TMEM184B: variants seen among roughly 807,000 people sequenced by gnomAD.
TMEM184B encodes the protein transmembrane protein 184B.
Under a neutral mutation model 41.8 loss-of-function variants are expected in TMEM184B, and 17 were observed. The ratio of observed to expected loss-of-function variants is 0.41; its 90% CI spans 0.28 to 0.61. TMEM184B has a LOEUF of 0.61. Ranked by LOEUF, TMEM184B falls within the 20% of genes least tolerant of loss-of-function variation. The pLI is 0.34. For synonymous variants in TMEM184B, 240 were observed against 229.5 expected (o/e 1.05, Z -0.41); for missense variants, 393 against 557.8 (o/e 0.70, Z 2.98).
chr22:38,233,422 C>T (rs1446974022), intron 3 of TMEM184B, among the ~76,000 whole-genome samples: 2 of 152,174 alleles, frequency 1.3e-5, no homozygotes, highest in Non-Finnish European at 2.9e-5. Flanking sequence ...GAAGTGTGTC[C>T]GGGGCTCACT....
intron 2 of TMEM184B, chr22:38,246,875 C>T (rs918634597): frequency 5.4e-6 from 7 of 1,302,906 alleles, no homozygotes; most frequent in African/African-American, 4.6e-5. Context: ...TTGGCCCAGC[C>T]GAGCCCTGGG....
chr22:38,245,985 G>A lies in TMEM184B; in HGVS notation c.308C>T (p.Thr103Ile), dbSNP rs779408562. 11 of 1,613,720 alleles carry A rather than the reference G, an allele frequency of 6.8e-6. No individual in the cohort carries two copies. Among genetic ancestry groups the A allele is most frequent in the Non-Finnish European group, 9.3e-6 (11 of 1,179,998 alleles). ...GAAGTACACGTAGTACTGGTCGTTGGTGAAGAAGAGGAGGCTGAGCCAGGA... is the reference window on the plus strand; with the variant it reads ...GAAGTACACGTAGTACTGGTCGTTGATGAAGAAGAGGAGGCTGAGCCAGGA... ...FDSWLSLLFF[T>I]NDQYYVYFGT... Residue 103 changes from threonine (T) to isoleucine (I), a missense_variant, in exon 3 of 9, where the codon ACC becomes ATC. By Grantham distance (89) the Thr-to-Ile change is moderately conservative. Around this residue, in one of 2 missense-constraint regions of TMEM184B, gnomAD observed 271 missense variants for 434.1 expected, o/e 0.62. Coordinates refer to ENST00000361906, the MANE Select transcript of TMEM184B (RefSeq NM_012264.5).
chr22:38,220,463 A>T lies in TMEM184B; in HGVS notation c.*1006T>A. 1.0e-6 allele frequency: 1 copy of T among 985,762 alleles called. No homozygotes were observed. The highest frequency in any genetic ancestry group is 1.2e-6 in the Non-Finnish European group (1 of 829,972). 61.1% of individuals were successfully genotyped at this position (985,762 alleles called of 1,614,324 possible). A position where few individuals can be genotyped will look rare whatever the true frequency, so the allele number is the denominator to read the frequency against. ...ATAGGGGCCCCGAGAGGAGTCTGGG[A>T]CCATTCCCCCCACCTCCCAGCTCCC... On this transcript the variant is annotated 3_prime_UTR_variant, in exon 9 of 9. Coordinates refer to ENST00000361906, the MANE Select transcript of TMEM184B (RefSeq NM_012264.5).
At chr22:38,269,762 C>A (rs1261356903) in intron 1 of TMEM184B, among the ~76,000 whole-genome samples, 2 of 152,158 alleles carry the variant, frequency 1.3e-5, no homozygotes, top group Non-Finnish European at 2.9e-5. Flanking sequence ...AGCAGTGGGG[C>A]AGACACCGTT....
intron 1 of TMEM184B, among the ~76,000 whole-genome samples, chr22:38,272,270 A>G (rs2092535575): frequency 6.6e-6 from 1 of 152,136 alleles, no homozygotes; most frequent in Non-Finnish European, 1.5e-5. Flanking sequence ...CCCAGGAGGA[A>G]ATGTACAATT....
At chr22:38,238,446 G>A (rs370162945) in intron 3 of TMEM184B, among the ~76,000 whole-genome samples, 6 of 151,906 alleles carry the variant, frequency 3.9e-5, no homozygotes, top group South Asian at 2.1e-4. Context: ...GGATGGTCTC[G>A]ATCTCTTGAC....
chr22:38,262,516 C>T (rs2092386560), intron 1 of TMEM184B, among the ~76,000 whole-genome samples: 1 of 152,172 alleles, frequency 6.6e-6, no homozygotes, highest in East Asian at 1.9e-4. Flanking sequence ...AGGCCAAGTG[C>T]GGCTCAAGAA....
chr22:38,269,639 G>A (rs1046192381), intron 1 of TMEM184B, among the ~76,000 whole-genome samples: 2 of 152,162 alleles, frequency 1.3e-5, no homozygotes, highest in Non-Finnish European at 2.9e-5. Flanking sequence ...AGAAGCTGCA[G>A]CAAGCTACGA....
intron 1 of TMEM184B, among the ~76,000 whole-genome samples, 161 bp from the exon 2 acceptor site, chr22:38,248,180 C>T (rs1322975947): frequency 6.6e-6 from 1 of 152,182 alleles, no homozygotes; most frequent in African/African-American, 2.4e-5. Flanking sequence ...GCAACAGGCC[C>T]CTGACCAGTT....
chr22:38,237,267 A>G (rs1238874351), intron 3 of TMEM184B, among the ~76,000 whole-genome samples: 1 of 152,202 alleles, frequency 6.6e-6, no homozygotes, highest in Non-Finnish European at 1.5e-5. Context: ...ACTTACCCCA[A>G]GAGCCCCCGG....
Position 38,221,204 on chromosome 22 carries a change from G to C in TMEM184B, c.*265C>G. 7.6e-7 allele frequency: 1 copy of C among 1,320,634 alleles called. No homozygotes were observed. The highest frequency in any genetic ancestry group is 9.7e-7 in the Non-Finnish European group (1 of 1,036,216). 81.8% of individuals were successfully genotyped at this position (1,320,634 alleles called of 1,614,324 possible). A position where few individuals can be genotyped will look rare whatever the true frequency, so the allele number is the denominator to read the frequency against. The stretch of plus-strand genomic sequence containing the variant: ...GCATGCCCCCAGCACAGGACGGGCA[G>C]CAGGGGCATAAGCCTTGCTCCCAGT... On this transcript the variant is annotated 3_prime_UTR_variant, in exon 9 of 9. Coordinates refer to ENST00000361906, the MANE Select transcript of TMEM184B (RefSeq NM_012264.5).
At position 38,247,756 on chromosome 22, in the gene TMEM184B, C is replaced by T. The variant is rs756658167; in HGVS notation, c.192+14G>A. On this transcript the variant is annotated intron_variant, in intron 2 of 8. Transcript: ENST00000361906. ...TCTGGACCTTTCTAGAGGCCCCTTGCCAGGCTTGGGTACCTGGTGGCATGT... is the reference window on the plus strand; with the variant it reads ...TCTGGACCTTTCTAGAGGCCCCTTGTCAGGCTTGGGTACCTGGTGGCATGT... The T allele has an allele frequency of 2.6e-5, 41 of 1,605,734 alleles. No individual in the cohort carries two copies. In the Middle Eastern group the frequency reaches 5.0e-4, roughly 19 times the overall value.
Position 38,225,738 on chromosome 22 carries a change from G to A in TMEM184B, c.618-145C>T. 1 of 902,666 alleles carries A rather than the reference G, an allele frequency of 1.1e-6. No individual in the cohort carries two copies. The highest frequency in any genetic ancestry group is 3.8e-5 in the Admixed American group (1 of 26,246). The allele number at this position is 902,666 out of a possible 1,614,324, so 55.9% of individuals were successfully genotyped here. A position where few individuals can be genotyped will look rare whatever the true frequency, so the allele number is the denominator to read the frequency against. On this transcript the variant is annotated intron_variant, in intron 6 of 8. Coordinates refer to ENST00000361906, the MANE Select transcript of TMEM184B (RefSeq NM_012264.5). This position sits in a 1 kb window ranked among gnomAD's most constrained non-coding sequence, Gnocchi z 4.4. Reference sequence around the variant, plus strand: ...AGCCACTGAAGGGGTCAGAATGGGTGATCAAAGCGACAGACAGGGGTGGGG... The same window carrying A: ...AGCCACTGAAGGGGTCAGAATGGGTAATCAAAGCGACAGACAGGGGTGGGG...
At chr22:38,244,061 C>T (rs1187228168) in intron 3 of TMEM184B, among the ~76,000 whole-genome samples, 5 of 152,184 alleles carry the variant, frequency 3.3e-5, no homozygotes, top group Non-Finnish European at 1.5e-5. Context: ...TGGGAAGCAC[C>T]TGCCTGATGT....
At chr22:38,264,177 T>C (rs2092411605) in intron 1 of TMEM184B, among the ~76,000 whole-genome samples, 1 of 152,112 alleles carries the variant, frequency 6.6e-6, no homozygotes, top group Non-Finnish European at 1.5e-5. Flanking sequence ...GAGCTCTGGG[T>C]AGGGACACGG....
intron 3 of TMEM184B, among the ~76,000 whole-genome samples, chr22:38,237,822 C>T (rs1433442608): frequency 1.6e-4 from 24 of 147,314 alleles, no homozygotes; most frequent in Middle Eastern, 3.4e-3. Flanking sequence ...TTTTTTTAGA[C>T]GGAGTTTCGC....
chr22:38,238,484 A>G (rs1451589385), intron 3 of TMEM184B, among the ~76,000 whole-genome samples: 1 of 152,196 alleles, frequency 6.6e-6, no homozygotes, highest in Non-Finnish European at 1.5e-5. Flanking sequence ...TTGGCCTCCC[A>G]AAGTGGTGGG....
Position 38,220,272 on chromosome 22 carries a change from C to G in TMEM184B, c.*1197G>C. 1.0e-6 allele frequency: 1 copy of G among 985,942 alleles called. No individual in the cohort carries two copies. Among genetic ancestry groups the G allele is most frequent in the Non-Finnish European group, 1.2e-6 (1 of 830,026 alleles). The allele number at this position is 985,942 out of a possible 1,614,324, so 61.1% of individuals were successfully genotyped here. On this transcript the variant is annotated 3_prime_UTR_variant, in exon 9 of 9. Transcript: ENST00000361906. ...CACTCCTGAGGCCTGTCCAAGGGCT[C>G]TGGGCCCAGCACTGCAGGATCCTGC... is the stretch of plus-strand genomic sequence containing the variant.
Position 38,230,667 on chromosome 22 carries a change from A to C in TMEM184B, c.525+2T>G. 2 of 1,609,326 alleles carry C rather than the reference A, an allele frequency of 1.2e-6. No individual in the cohort carries two copies. The highest frequency in any genetic ancestry group is 1.7e-6 in the Non-Finnish European group (2 of 1,178,078). Reference sequence around the variant, plus strand: ...AGCTAGGCAGCTGCTGGGGGCACACACCTGTTTGCAGAACCTCAGAAATCC... The same window carrying C: ...AGCTAGGCAGCTGCTGGGGGCACACCCCTGTTTGCAGAACCTCAGAAATCC... On this transcript the variant is annotated splice_donor_variant, in intron 5 of 8. Transcript: ENST00000361906. LOFTEE classifies it high-confidence loss of function.
Sources: gnomAD v4.1 joint callset for allele counts (sites outside exome capture counted in the v4.1 genomes callset) on GRCh38, gnomAD v4.1.1 for gene constraint, gnomAD v4.1.1 regional missense constraint, Gnocchi (gnomAD v3.1) non-coding constraint, MANE v1.5 for transcripts, NCBI Gene and HGNC (gene_info 2026-07-23, HGNC 2026-07-21) for gene names.